PIEZO1: variants seen among roughly 807,000 people sequenced by gnomAD.
PIEZO1 encodes piezo type mechanosensitive ion channel component 1 (Er blood group), also known as piezo-type mechanosensitive ion channel component 1.
A neutral mutation model predicts 297.2 loss-of-function variants in PIEZO1; 296 were observed. That is an observed-to-expected ratio of 1.00 (90% CI 0.91 to 1.10). PIEZO1 has a LOEUF of 1.10. Ranked by LOEUF, PIEZO1 falls within the 50% of genes least tolerant of loss-of-function variation. The probability of loss-of-function intolerance (pLI) is 0.00; values close to 1 mark genes in which losing one functional copy is unlikely to be tolerated. For missense variants in PIEZO1, 5,018 were observed against 3,455.5 expected (o/e 1.45, Z -11.34); for synonymous variants, 2,427 against 1,507.5 (o/e 1.61, Z -14.13).
At position 88,770,592 on chromosome 16, in the gene PIEZO1, G is replaced by A. The variant is rs558060026; in HGVS notation, c.64+14309C>T. Among the ~76,000 whole-genome samples, 26 of 152,322 alleles carry A rather than the reference G, an allele frequency of 1.7e-4. No individual in the cohort carries two copies. In the East Asian group the frequency reaches 4.2e-3, roughly 25 times the overall value. ...GCCATGGGCGGTGCCTGCCTGGGCCGCTCCCTTCCCCCTCAGCCTGAACAC... is the reference window on the plus strand; with the variant it reads ...GCCATGGGCGGTGCCTGCCTGGGCCACTCCCTTCCCCCTCAGCCTGAACAC... On this transcript the variant is annotated intron_variant, in intron 1 of 50. Transcript: ENST00000301015.
At chr16:88,720,583 A>G in intron 40 of PIEZO1, 33 bp downstream of exon 40, 2 of 729,344 alleles carry the variant, frequency 2.7e-6, no homozygotes, top group Middle Eastern at 2.7e-4. Context: ...CCCCACCCCC[A>G]CTCCCCAGCT....
Position 88,723,854 on chromosome 16 carries a change from G to C in PIEZO1, c.4335+17C>G, listed in dbSNP as rs918318987. On this transcript the variant is annotated intron_variant, in intron 31 of 50. Coordinates refer to ENST00000301015, the MANE Select transcript of PIEZO1 (RefSeq NM_001142864.4). Reference sequence around the variant, plus strand: ...CTCTGTGGTTGGAGTGGGGCCGACGGGGCTCTCCCACCTCACCTGGAAGGC... The same window carrying C: ...CTCTGTGGTTGGAGTGGGGCCGACGCGGCTCTCCCACCTCACCTGGAAGGC... The C allele has an allele frequency of 1.5e-6, 2 of 1,372,284 alleles. No homozygotes were observed. Among genetic ancestry groups the C allele is most frequent in the Non-Finnish European group, 1.0e-6 (1 of 984,924 alleles). The allele number at this position is 1,372,284 out of a possible 1,614,324, so 85.0% of individuals were successfully genotyped here.
At chr16:88,736,042 C>G in intron 12 of PIEZO1, 106 bp downstream of exon 12, 1 of 1,160,776 alleles carries the variant, frequency 8.6e-7, no homozygotes, top group South Asian at 1.5e-5. Context: ...GACACATCTG[C>G]CTTCTTGGCG....
intron 1 of PIEZO1, among the ~76,000 whole-genome samples, chr16:88,774,543 A>G (rs1487386802): frequency 6.6e-6 from 1 of 152,126 alleles, no homozygotes; most frequent in Non-Finnish European, 1.5e-5. Flanking sequence ...CAGCCTGGGC[A>G]CCTCTGTATA....
intron 27 of PIEZO1, 49 bp downstream of exon 27, chr16:88,726,235 T>G (rs535663787): frequency 4.7e-6 from 7 of 1,479,456 alleles, no homozygotes; most frequent in South Asian, 2.6e-5. Context: ...CATTGCCCCC[T>G]CCCAGCCCCA....
At chr16:88,721,098 A>G in intron 39 of PIEZO1, 68 bp downstream of exon 39, 1 of 1,394,930 alleles carries the variant, frequency 7.2e-7, no homozygotes, top group Non-Finnish European at 9.5e-7. Flanking sequence ...TCTGAGAAAG[A>G]CCCTCCCTGC....
rs530529641 is a variant in PIEZO1, at chr16:88,724,400, G to A, written c.4235-429C>T. On this transcript the variant is annotated intron_variant, in intron 30 of 50. Coordinates refer to ENST00000301015, the MANE Select transcript of PIEZO1 (RefSeq NM_001142864.4). ...ACGAAAATTAGCTGGGCGTGGTGGC[G>A]GGCACCTGTAATCCCAGCTACTTGG... Among the ~76,000 whole-genome samples, 15 of 152,114 alleles carry A rather than the reference G, an allele frequency of 9.9e-5. No homozygotes were observed. In the East Asian group the frequency reaches 1.5e-3, roughly 16 times the overall value.
At chr16:88,742,205 C>CCAGACA (rs1162971720) in intron 3 of PIEZO1, 95 bp downstream of exon 3, 11 of 1,501,416 alleles carry the variant, frequency 7.3e-6, no homozygotes, top group Non-Finnish European at 9.8e-6. Flanking sequence ...ATAAATCAGG[C>CCAGACA]TGAGTCAACC....
chr16:88,752,165 C>T (rs1345437956), intron 1 of PIEZO1, among the ~76,000 whole-genome samples: 1 of 152,212 alleles, frequency 6.6e-6, no homozygotes, highest in Non-Finnish European at 1.5e-5. Context: ...CGCTGCTGAC[C>T]TGTGCCCTTC....
At chr16:88,720,780 C>A in intron 39 of PIEZO1, 32 bp from the exon 40 acceptor site, 1 of 1,455,044 alleles carries the variant, frequency 6.9e-7, no homozygotes. Context: ...TGCCTGGGCC[C>A]CCTGGGGACT....
At chr16:88,774,544 C>T (rs974407750) in intron 1 of PIEZO1, among the ~76,000 whole-genome samples, 1 of 152,184 alleles carries the variant, frequency 6.6e-6, no homozygotes, top group African/African-American at 2.4e-5. Flanking sequence ...AGCCTGGGCA[C>T]CTCTGTATAC....
chr16:88,784,928 G>A lies in PIEZO1; in HGVS notation c.37C>T (p.Leu13=). The stretch of plus-strand genomic sequence containing the variant: ...GCCAGCAGCGCGCAGGGCAGCAGCA[G>A]CCAGTACAGGACCGCGCCGAGCACG... The part of the protein sequence containing the change: ...PHVLGAVLYW[L]LLPCALLAAC... Residue 13 remains leucine (L), a synonymous_variant, in exon 1 of 51, where the codon CTG becomes TTG. Transcript: ENST00000301015. 1.4e-6 allele frequency: 2 copies of A among 1,435,266 alleles called. No homozygotes were observed. Among genetic ancestry groups the A allele is most frequent in the Non-Finnish European group, 1.8e-6 (2 of 1,092,182 alleles). 88.9% of individuals were successfully genotyped at this position (1,435,266 alleles called of 1,614,324 possible). A position where few individuals can be genotyped will look rare whatever the true frequency, so the allele number is the denominator to read the frequency against.
At chr16:88,719,390 C>G (rs1912265747) in intron 44 of PIEZO1, 184 bp downstream of exon 44, 1 of 610,508 alleles carries the variant, frequency 1.6e-6, no homozygotes, top group African/African-American at 1.8e-5. Context: ...CCAGCACTCA[C>G]TCGCAGCTGC....
At position 88,715,709 on chromosome 16, in the gene PIEZO1, G is replaced by A. The variant is rs374964860; in HGVS notation, c.7462C>T (p.Arg2488Trp). The change falls in exon 51 of 51, where the codon CGG becomes TGG. Residue 2488 changes from arginine to tryptophan, a missense_variant. Arg to Trp is a moderately radical substitution (Grantham distance 101). Transcript: ENST00000301015. ...LKLCQDIFLV[R>W]ETRELELEEE... The stretch of plus-strand genomic sequence containing the variant: ...TCCAGCTCCAGCTCCCGAGTCTCCC[G>A]CACCAGGAAGATGTCCTGGCAGAGC... 27 of 1,550,346 alleles carry A rather than the reference G, an allele frequency of 1.7e-5. No homozygotes were observed. Among genetic ancestry groups the A allele is most frequent in the East Asian group, 1.2e-4 (5 of 40,924 alleles).
At chr16:88,749,073 T>A (rs28445311) in intron 2 of PIEZO1, among the ~76,000 whole-genome samples, 7,306 of 150,042 alleles carry the variant, frequency 0.049, 222 homozygotes, top group South Asian at 0.095. Context: ...CCGTCTCTAC[T>A]AAAAATACAA....
At chr16:88,772,594 C>T (rs140442416) in intron 1 of PIEZO1, among the ~76,000 whole-genome samples, 171 of 152,274 alleles carry the variant, frequency 1.1e-3, no homozygotes, top group African/African-American at 3.9e-3. Context: ...TCCTGGACAA[C>T]ATGGTAAAAC....
intron 2 of PIEZO1, chr16:88,744,146 C>T (rs1351536489): frequency 6.0e-6 from 1 of 167,460 alleles, no homozygotes; most frequent in African/African-American, 2.4e-5. Flanking sequence ...GGGCCCCGCG[C>T]CCCCGCCTCT....
chr16:88,725,806 G>A, intron 27 of PIEZO1, 122 bp from the exon 28 acceptor site: 1 of 643,498 alleles, frequency 1.6e-6, no homozygotes, highest in Admixed American at 2.6e-5. Context: ...CGCTGGACAA[G>A]AGGCACCCAC....
intron 1 of PIEZO1, among the ~76,000 whole-genome samples, chr16:88,781,584 G>A (rs994448176): frequency 1.3e-5 from 2 of 152,244 alleles, no homozygotes; most frequent in East Asian, 1.9e-4. Context: ...GGGCCCCCAA[G>A]CCACAGAGGA....
Sources: allele counts gnomAD v4.1 joint callset (sites outside exome capture counted in the v4.1 genomes callset), GRCh38; gene constraint gnomAD v4.1.1; transcripts MANE v1.5; gene names NCBI Gene and HGNC (gene_info 2026-07-23, HGNC 2026-07-21).